Variants in ELK3 observed in about 807,000 individuals in gnomAD.
ELK3 encodes ETS domain-containing protein Elk-3.
A neutral mutation model predicts 28.9 loss-of-function variants in ELK3; 10 were observed. The observed-to-expected ratio is 0.35, with a 90% CI of 0.21 to 0.59. The LOEUF is 0.59. Among genes scored for constraint, ELK3 ranks in the 20% least tolerant of loss-of-function variants. The pLI, the probability that ELK3 is intolerant of heterozygous loss-of-function variation, is 0.82. For missense variants in ELK3, 463 were observed against 517.3 expected, an observed-to-expected ratio of 0.90 and a Z score of 1.02; for synonymous variants, 272 against 243.5, an observed-to-expected ratio of 1.12 and a Z score of -1.09.
intron 2 of ELK3, among the ~76,000 whole-genome samples, chr12:96,244,986 C>T (rs956462865): frequency 1.3e-5 from 2 of 152,076 alleles, no homozygotes; most frequent in African/African-American, 4.8e-5. Context: ...TGAGACCCCG[C>T]GGGTTAAGTT....
chr12:96,233,112 C>A (rs140114053), intron 2 of ELK3, among the ~76,000 whole-genome samples: 1 of 152,214 alleles, frequency 6.6e-6, no homozygotes, highest in Admixed American at 6.5e-5. Context: ...TACCATGAAT[C>A]TATTTCTCTC....
chr12:96,209,483 C>T (rs1372378700), intron 1 of ELK3, among the ~76,000 whole-genome samples: 3 of 152,314 alleles, frequency 2.0e-5, no homozygotes, highest in African/African-American at 7.2e-5. Flanking sequence ...CAAAAAGGTT[C>T]TCATTGCACT....
At chr12:96,259,331 C>T (rs1218718111) in intron 3 of ELK3, among the ~76,000 whole-genome samples, 4 of 152,112 alleles carry the variant, frequency 2.6e-5, no homozygotes, top group Non-Finnish European at 5.9e-5. Flanking sequence ...GTGGGCAGAT[C>T]ACTTGAGGTC....
chr12:96,204,286 AT>A (rs1315572223), intron 1 of ELK3, among the ~76,000 whole-genome samples: 1 of 152,188 alleles, frequency 6.6e-6, no homozygotes, highest in Admixed American at 6.5e-5. Context: ...ATCCTGTAAG[AT>A]CCACAGTTCA....
At chr12:96,261,057 A>G (rs1951989474) in intron 4 of ELK3, among the ~76,000 whole-genome samples, 1 of 152,238 alleles carries the variant, frequency 6.6e-6, no homozygotes, top group South Asian at 2.1e-4. Context: ...GAGAAAGGCC[A>G]GTATTAATAG....
At chr12:96,237,973 C>T (rs772973043) in intron 2 of ELK3, among the ~76,000 whole-genome samples, 10 of 152,022 alleles carry the variant, frequency 6.6e-5, no homozygotes, top group African/African-American at 2.2e-4. Context: ...GCCAGGAAGC[C>T]GCGGCCTGGA....
At chr12:96,202,593 C>G (rs995049434) in intron 1 of ELK3, among the ~76,000 whole-genome samples, 2 of 143,972 alleles carry the variant, frequency 1.4e-5, no homozygotes, top group Admixed American at 7.2e-5. Flanking sequence ...GTGGCACCAT[C>G]TTGGGTCACT....
chr12:96,222,522 T>G (rs538923670), intron 1 of ELK3, among the ~76,000 whole-genome samples: 1 of 152,250 alleles, frequency 6.6e-6, no homozygotes, highest in South Asian at 2.1e-4. Context: ...CAATTGGCAG[T>G]GATTGTTCGG....
At chr12:96,215,344 C>T (rs1159331684) in intron 1 of ELK3, among the ~76,000 whole-genome samples, 1 of 152,122 alleles carries the variant, frequency 6.6e-6, no homozygotes, top group Non-Finnish European at 1.5e-5. Flanking sequence ...GGCCCTTGCT[C>T]ACATTAAGAC....
At chr12:96,226,464 A>G (rs1412554020) in intron 2 of ELK3, among the ~76,000 whole-genome samples, 1 of 152,066 alleles carries the variant, frequency 6.6e-6, no homozygotes, top group Non-Finnish European at 1.5e-5. Flanking sequence ...AAGTATACAC[A>G]TACACACCTG....
rs144636380 is a variant in ELK3 at position 96,254,605 on chromosome 12, G to A, written c.1003-5126G>A. ...TCAGGTCAACACACATGAACTGAGT[G>A]CCCATCATGTGAAAGCTGCTGTGTT... On this transcript the variant is annotated intron_variant, in intron 3 of 4. Coordinates refer to ENST00000228741, the MANE Select transcript of ELK3 (RefSeq NM_005230.4). 7.9e-5 allele frequency among the ~76,000 whole-genome samples: 12 copies of A among 152,194 alleles called. No individual in the cohort carries two copies. In the East Asian group the frequency reaches 2.1e-3, roughly 27 times the overall value.
chr12:96,259,397 C>G lies in ELK3; in HGVS notation c.1003-334C>G, dbSNP rs997580552. The stretch of plus-strand genomic sequence containing the variant: ...TGAAACCCCTTCTCTACTAAAAATA[C>G]AAAAATTAGTCGGTGGTGGGTGCCT... On this transcript the variant is annotated intron_variant, in intron 3 of 4. Coordinates refer to ENST00000228741, the MANE Select transcript of ELK3 (RefSeq NM_005230.4). 3.3e-5 allele frequency among the ~76,000 whole-genome samples: 5 copies of G among 152,072 alleles called. 1 individual carries two copies. The Middle Eastern group carries it at 0.014, about 414-fold the overall frequency.
chr12:96,265,992 A>G (rs555632891), intron 4 of ELK3, among the ~76,000 whole-genome samples: 7 of 152,226 alleles, frequency 4.6e-5, no homozygotes, highest in Non-Finnish European at 1.0e-4. Context: ...ATTTGTTTAA[A>G]ACTTGGCTGT....
At chr12:96,252,046 A>AG (rs1951911226) in intron 3 of ELK3, among the ~76,000 whole-genome samples, 1 of 152,266 alleles carries the variant, frequency 6.6e-6, no homozygotes, top group East Asian at 1.9e-4. Context: ...AGAGCTTCAA[A>AG]GGACAGGCTG....
rs1951869901 is a variant in ELK3 at position 96,247,706 on chromosome 12, C to A, written c.974C>A (p.Ser325Tyr). The part of the protein sequence containing the change: ...ALNSPALPSG[S>Y]LTPAFFTAQT... Reference sequence around the variant, plus strand: ...AACAGCCCAGCCCTCCCCTCGGGATCCCTCACCCCAGCCTTCTTCACCGCA... The same window carrying A: ...AACAGCCCAGCCCTCCCCTCGGGATACCTCACCCCAGCCTTCTTCACCGCA... Residue 325 changes from serine (S) to tyrosine (Y), a missense_variant, in exon 3 of 5, where the codon TCC becomes TAC. Ser to Tyr is a moderately radical substitution (Grantham distance 144). This residue lies in a region of ELK3 where 408 missense variants were observed against 414.8 expected (regional missense o/e 0.98). Coordinates refer to ENST00000228741, the MANE Select transcript of ELK3 (RefSeq NM_005230.4). The surrounding 1 kb of genome is among the most constrained non-coding windows in gnomAD (Gnocchi z 5.5). The A allele has an allele frequency of 1.3e-6, 2 of 1,599,174 alleles. No homozygotes were observed. The highest frequency in any genetic ancestry group is 1.3e-5 in the African/African-American group (1 of 74,440).
Position 96,267,284 on chromosome 12 carries a change from A to G in ELK3, c.*104A>G. The stretch of plus-strand genomic sequence containing the variant: ...GAAGGACATTGTGAAACTCTTGTTA[A>G]TTTGGTTTGCACTTTTCATAACATG... On this transcript the variant is annotated 3_prime_UTR_variant, in exon 5 of 5. Coordinates refer to ENST00000228741, the MANE Select transcript of ELK3 (RefSeq NM_005230.4). 1 of 994,230 alleles carries G rather than the reference A, an allele frequency of 1.0e-6. No individual in the cohort carries two copies. Among genetic ancestry groups the G allele is most frequent in the Non-Finnish European group, 1.5e-6 (1 of 687,928 alleles). The allele number at this position is 994,230 out of a possible 1,614,324, so 61.6% of individuals were successfully genotyped here.
intron 2 of ELK3, among the ~76,000 whole-genome samples, chr12:96,232,771 C>G (rs1378256013): frequency 2.0e-5 from 3 of 150,250 alleles, no homozygotes; most frequent in Non-Finnish European, 4.4e-5. Flanking sequence ...AAAAAGCCCC[C>G]AAGAACCAAA....
At chr12:96,224,826 G>A (rs1020305429) in intron 2 of ELK3, among the ~76,000 whole-genome samples, 1 of 152,170 alleles carries the variant, frequency 6.6e-6, no homozygotes, top group Non-Finnish European at 1.5e-5. Context: ...ATATTAAAAG[G>A]TGAATTAAAA....
intron 2 of ELK3, 95 bp downstream of exon 2, chr12:96,223,868 C>T: frequency 7.7e-7 from 1 of 1,295,424 alleles, no homozygotes; most frequent in East Asian, 2.5e-5. Context: ...TGCTATGAAT[C>T]AAGTTAGAAA....
Sources: gnomAD v4.1 joint callset for allele counts (sites outside exome capture counted in the v4.1 genomes callset) on GRCh38, gnomAD v4.1.1 for gene constraint, gnomAD v4.1.1 regional missense constraint, Gnocchi (gnomAD v3.1) non-coding constraint, MANE v1.5 for transcripts, NCBI Gene and HGNC (gene_info 2026-07-23, HGNC 2026-07-21) for gene names.